The following HR variants were observed in gnomAD, a reference collection of about 807,000 sequenced individuals.
HR encodes lysine-specific demethylase hairless.
A neutral mutation model predicts 128.6 loss-of-function variants in HR; 83 were observed. The ratio of observed to expected loss-of-function variants is 0.65; its 90% CI spans 0.54 to 0.77. The LOEUF (loss-of-function observed/expected upper bound fraction) is 0.77. Among genes scored for constraint, HR ranks in the 30% least tolerant of loss-of-function variants. The pLI, the probability that HR is intolerant of heterozygous loss-of-function variation, is 0.00. For synonymous variants in HR, 681 were observed against 658.2 expected (o/e 1.03, Z -0.53); for missense variants, 1,490 against 1,574.6 (o/e 0.95, Z 0.91).
Position 22,120,521 on chromosome 8 carries a change from G to C in HR, c.2611-14C>G. The C allele has an allele frequency of 6.2e-7, 1 of 1,613,478 alleles. No individual in the cohort carries two copies. On this transcript the variant is annotated splice_polypyrimidine_tract_variant and intron_variant, in intron 11 of 18. Transcript: ENST00000381418. The stretch of plus-strand genomic sequence containing the variant: ...CACCAACACAGGCTGTGGTGGGAAA[G>C]GAAGGAGGCCATGAGGAGAATGGCC...
Position 22,129,148 on chromosome 8 carries a change from A to C in HR, c.23T>G (p.Leu8Arg), listed in dbSNP as rs777285438. The change falls in exon 2 of 19, where the codon CTG becomes CGG. Residue 8 changes from leucine to arginine, a missense_variant. Coordinates refer to ENST00000381418, the MANE Select transcript of HR (RefSeq NM_005144.5). Reference sequence around the variant, plus strand: ...CTTCTCCCAGGTTGGGGTGCCCTTCAGGAAGCTGGGCGTACTCTCCATCAC... The same window carrying C: ...CTTCTCCCAGGTTGGGGTGCCCTTCCGGAAGCTGGGCGTACTCTCCATCAC... MESTPSFLKGTPTWEKTA... is the reference protein window; with the variant it reads MESTPSFRKGTPTWEKTA... The C allele has an allele frequency of 6.5e-7, 1 of 1,547,840 alleles. No individual in the cohort carries two copies. Among genetic ancestry groups the C allele is most frequent in the Admixed American group, 2.0e-5 (1 of 49,404 alleles).
Position 22,123,762 on chromosome 8 carries a change from C to A in HR, c.1802G>T (p.Ser601Ile), listed in dbSNP as rs1199506170. ...EDSPGIPRCC[S>I]RCHHGLFNTH... The stretch of plus-strand genomic sequence containing the variant: ...GTTGAAGAGTCCATGGTGGCAACGG[C>A]TGCAGCAGCGTGGAATGCCTGGGCT... The change falls in exon 6 of 19, where the codon AGC becomes ATC. Residue 601 changes from serine (S) to isoleucine (I), a missense_variant. By Grantham distance (142) the Ser-to-Ile change is moderately radical. Transcript: ENST00000381418. 6.2e-7 allele frequency: 1 copy of A among 1,601,968 alleles called. No individual in the cohort carries two copies. Among genetic ancestry groups the A allele is most frequent in the South Asian group, 1.1e-5 (1 of 89,454 alleles).
intron 14 of HR, 29 bp from the exon 15 acceptor site, chr8:22,119,312 G>C: frequency 1.2e-6 from 2 of 1,613,006 alleles, no homozygotes; most frequent in Middle Eastern, 1.6e-4. Flanking sequence ...AGAACAGTTA[G>C]AAATGGAATC....
intron 14 of HR, 63 bp from the exon 15 acceptor site, chr8:22,119,346 C>T (rs560837601): frequency 3.5e-5 from 56 of 1,606,630 alleles, no homozygotes; most frequent in Admixed American, 2.5e-4. Context: ...CGGTTGCTCA[C>T]GCCTGTAATC....
intron 16 of HR, chr8:22,118,151 C>T (rs1826638438): frequency 6.6e-6 from 1 of 152,508 alleles, no homozygotes; most frequent in African/African-American, 2.4e-5. Context: ...GGGTGCACAC[C>T]ATGCTGGCCT....
At position 22,120,701 on chromosome 8, in the gene HR, G is replaced by A. The variant is rs575060011; in HGVS notation, c.2610+15C>T. 2.0e-6 allele frequency: 3 copies of A among 1,502,266 alleles called. No individual in the cohort carries two copies. The South Asian group carries it at 3.8e-5, about 19-fold the overall frequency. 93.1% of individuals were successfully genotyped at this position (1,502,266 alleles called of 1,614,324 possible). A position where few individuals can be genotyped will look rare whatever the true frequency, so the allele number is the denominator to read the frequency against. On this transcript the variant is annotated intron_variant, in intron 11 of 18. Transcript: ENST00000381418. ...GGGTGGCCAGGGCCGGGAGGGGAGG[G>A]GAGGGGTGCCTCACCTGGCCCTGCC...
At position 22,128,698 on chromosome 8, in the gene HR, C is replaced by T. The variant is rs1299600101; in HGVS notation, c.473G>A (p.Trp158Ter). 6.3e-7 allele frequency: 1 copy of T among 1,583,544 alleles called. No individual in the cohort carries two copies. The highest frequency in any genetic ancestry group is 8.6e-7 in the Non-Finnish European group (1 of 1,165,144). ...GTAGGGTGGCAAGCAGGTGGGCACC[C>T]AGAAGGGAGCTCGCTCCAGGATCTT... ...ETKILERAPFWVPTCLPPYLV... is the reference protein window; with the variant it reads ...ETKILERAPF Residue 158 changes from tryptophan (W) to a stop codon, truncating the protein, a stop_gained, in exon 2 of 19, where the codon TGG becomes TAG. Transcript: ENST00000381418. LOFTEE classifies it high-confidence loss of function.
At position 22,115,621 on chromosome 8, in the gene HR, C is replaced by G. The variant is rs1305371705; in HGVS notation, c.*79G>C. 7.9e-7 allele frequency: 1 copy of G among 1,264,264 alleles called. No homozygotes were observed. Among genetic ancestry groups the G allele is most frequent in the Non-Finnish European group, 1.2e-6 (1 of 864,336 alleles). The allele number at this position is 1,264,264 out of a possible 1,614,324, so 78.3% of individuals were successfully genotyped here. ...CAGAAATCCCCAAGTCCCCTAGCGC[C>G]ATCCCCTGCTGAAGTTGTGCCTGGG... is the stretch of plus-strand genomic sequence containing the variant. On this transcript the variant is annotated 3_prime_UTR_variant, in exon 19 of 19. Transcript: ENST00000381418.
chr8:22,127,761 C>G lies in HR; in HGVS notation c.681G>C (p.Gly227=). 6.2e-7 allele frequency: 1 copy of G among 1,601,588 alleles called. No individual in the cohort carries two copies. Among genetic ancestry groups the G allele is most frequent in the Non-Finnish European group, 8.5e-7 (1 of 1,179,972 alleles). Residue 227 remains glycine (G), a synonymous_variant, in exon 3 of 19, where the codon GGG becomes GGC. Coordinates refer to ENST00000381418, the MANE Select transcript of HR (RefSeq NM_005144.5). ...AKEPLAAAEP[G]LFGLNSGGHL... ...GCCCACCAGAGTTTAAGCCAAACAACCCAGGTTCCGCAGCTGCCAAGGGCT... is the reference window on the plus strand; with the variant it reads ...GCCCACCAGAGTTTAAGCCAAACAAGCCAGGTTCCGCAGCTGCCAAGGGCT...
rs150573552 is a variant in HR at position 22,119,269 on chromosome 8, G to A, written c.2992C>T (p.Arg998Trp). 114 of 1,613,536 alleles carry A rather than the reference G, an allele frequency of 7.1e-5. No homozygotes were observed. Among genetic ancestry groups the A allele is most frequent in the Middle Eastern group, 3.3e-4 (2 of 6,084 alleles). ...LWAAYGVSPH[R>W]GHLGTKNLCV... ...AGGTTCTTGGTCCCCAGGTGTCCCC[G>A]GTGCGGGCTCACACCTGCATGGCAA... Residue 998 changes from arginine to tryptophan, a missense_variant, in exon 15 of 19, where the codon CGG (arginine) becomes TGG (tryptophan). This residue lies in a region of HR where 423 missense variants were observed against 495.9 expected (regional missense o/e 0.85). Coordinates refer to ENST00000381418, the MANE Select transcript of HR (RefSeq NM_005144.5).
At chr8:22,119,102 G>T in intron 15 of HR, 37 bp from the exon 16 acceptor site, 1 of 1,613,654 alleles carries the variant, frequency 6.2e-7, no homozygotes, top group Non-Finnish European at 8.5e-7. Flanking sequence ...GCCCAGGGCT[G>T]GTGGCGACAA....
chr8:22,123,734 G>T lies in HR; in HGVS notation c.1830C>A (p.Thr610=). Residue 610 remains threonine, a synonymous_variant, in exon 6 of 19, where the codon ACC becomes ACA. Coordinates refer to ENST00000381418, the MANE Select transcript of HR (RefSeq NM_005144.5). ...GGCTGCAGCGGGGACATCGCCAGTG[G>T]GTGTTGAAGAGTCCATGGTGGCAAC... ...CSRCHHGLFN[T]HWRCPRCSHR... is the part of the protein sequence containing the mutation. The T allele has an allele frequency of 6.3e-7, 1 of 1,595,306 alleles. No homozygotes were observed. The highest frequency in any genetic ancestry group is 8.5e-7 in the Non-Finnish European group (1 of 1,175,482).
Position 22,115,386 on chromosome 8 carries a change from CTGTT to C in HR, c.*310_*313del, listed in dbSNP as rs1188735092. 8 of 519,532 alleles carry C rather than the reference CTGTT, an allele frequency of 1.5e-5. No individual in the cohort carries two copies. The highest frequency in any genetic ancestry group is 1.3e-4 in the African/African-American group (7 of 52,250). 32.2% of individuals were successfully genotyped at this position (519,532 alleles called of 1,614,324 possible). On this transcript the variant is annotated 3_prime_UTR_variant, in exon 19 of 19. Transcript: ENST00000381418. The stretch of plus-strand genomic sequence containing the variant: ...ATTCCCAAGTTTCCCCAAGGAAGGG[CTGTT>C]TGTCTCCTGGGTCTCGGAGGAGTGG...
In HR at chr8:22,122,844, C is replaced by A. The variant is rs779208924; in HGVS notation, c.1951G>T (p.Glu651Ter). 6.4e-7 allele frequency: 1 copy of A among 1,555,820 alleles called. No individual in the cohort carries two copies. The highest frequency in any genetic ancestry group is 8.7e-7 in the Non-Finnish European group (1 of 1,149,742). Residue 651 changes from glutamate to a stop codon, truncating the protein, a stop_gained, in exon 7 of 19, where the codon GAG (glutamate) becomes TAG (stop). Transcript: ENST00000381418. LOFTEE classifies it high-confidence loss of function. Reference sequence around the variant, plus strand: ...AGGGAACAGGCAGCGTGCCCGGCCTCCTGCGTGCACTCCTCCGCGGACTGC... The same window carrying A: ...AGGGAACAGGCAGCGTGCCCGGCCTACTGCGTGCACTCCTCCGCGGACTGC... ...QEQSAEECTQ[E>*]AGHAACSLML...
rs201633004 is a variant in HR, at chr8:22,127,872, C to A, written c.613-43G>T. ...TGTTACGCTTCAGCTGACTTGGGCT[C>A]CCCATGCCTAAATGGATGGGCAGAA... On this transcript the variant is annotated intron_variant, in intron 2 of 18. Transcript: ENST00000381418. 5.7e-6 allele frequency: 9 copies of A among 1,572,004 alleles called. No homozygotes were observed. The African/African-American group carries it at 8.1e-5, about 14-fold the overall frequency.
intron 16 of HR, chr8:22,118,718 A>G (rs1586370841): frequency 3.4e-6 from 2 of 582,214 alleles, no homozygotes; most frequent in South Asian, 2.1e-5. Context: ...CTCTCATTTC[A>G]TCATCGGGTC....
At chr8:22,128,496 G>A in intron 2 of HR, 63 bp downstream of exon 2, 1 of 1,601,618 alleles carries the variant, frequency 6.2e-7, no homozygotes, top group Non-Finnish European at 8.5e-7. Flanking sequence ...AGGGCATCTT[G>A]GGGACCACCG....
At chr8:22,119,995 T>C (rs1405228706) in intron 13 of HR, 105 bp from the exon 14 acceptor site, 5 of 1,591,388 alleles carry the variant, frequency 3.1e-6, no homozygotes, top group African/African-American at 1.3e-5. Flanking sequence ...AACATGAGAG[T>C]ACCAGGGACC....
Position 22,117,004 on chromosome 8 carries a change from G to T in HR, c.3249C>A (p.Gly1083=), listed in dbSNP as rs552153164. ...CATCCAGGTAGCAGCTGCCTGGGGC[G>T]CCAGGCTCCAGGGCGCCTGCCCCGG... The part of the protein sequence containing the change: ...CPAGAGALEP[G]APGSCYLDAG... The change falls in exon 17 of 19, where the codon GGC becomes GGA. Residue 1083 remains glycine, a synonymous_variant. Coordinates refer to ENST00000381418, the MANE Select transcript of HR (RefSeq NM_005144.5). The T allele has an allele frequency of 7.3e-4, 1,113 of 1,525,078 alleles. 1 individual carries two copies. Among genetic ancestry groups the T allele is most frequent in the Non-Finnish European group, 9.3e-4 (1,062 of 1,139,596 alleles). 94.5% of individuals were successfully genotyped at this position (1,525,078 alleles called of 1,614,324 possible).
Sources: allele counts gnomAD v4.1 joint callset, GRCh38; gene constraint gnomAD v4.1.1; regional missense constraint gnomAD v4.1.1; transcripts MANE v1.5; gene names NCBI Gene and HGNC (gene_info 2026-07-23, HGNC 2026-07-21).